ZNF638: variants seen among roughly 807,000 people sequenced by gnomAD.
The protein encoded by ZNF638 is CTCL tumor antigen se33-1.
Under a neutral mutation model 195.6 loss-of-function variants are expected in ZNF638, and 46 were observed. The ratio of observed to expected loss-of-function variants is 0.24; its 90% CI spans 0.19 to 0.30. The LOEUF (loss-of-function observed/expected upper bound fraction) is 0.30, where lower values mean the gene tolerates loss of function less well. Among genes scored for constraint, ZNF638 ranks in the 10% least tolerant of loss-of-function variants. ZNF638 has a pLI of 1.00. For missense variants in ZNF638, 2,440 were observed against 2,325.3 expected, an observed-to-expected ratio of 1.05 and a Z score of -1.01; for synonymous variants, 845 against 772.0, an observed-to-expected ratio of 1.09 and a Z score of -1.57.
chr2:71,371,064 T>TA (rs1329709032), intron 8 of ZNF638, among the ~76,000 whole-genome samples: 3 of 152,186 alleles, frequency 2.0e-5, no homozygotes, highest in African/African-American at 7.2e-5. Context: ...TGGGATTTTT[T>TA]AGATACCACA....
chr2:71,433,117 G>T, intron 26 of ZNF638, 48 bp from the exon 27 acceptor site: 1 of 1,316,028 alleles, frequency 7.6e-7, no homozygotes. Flanking sequence ...GAACACAACT[G>T]GAGATTAATT....
At chr2:71,379,295 G>T (rs2079491725) in intron 8 of ZNF638, among the ~76,000 whole-genome samples, 1 of 152,164 alleles carries the variant, frequency 6.6e-6, no homozygotes, top group African/African-American at 2.4e-5. Flanking sequence ...TGAAAATATT[G>T]AATAGAAAAT....
intron 10 of ZNF638, among the ~76,000 whole-genome samples, chr2:71,389,539 CAGA>C (rs1489119375): frequency 6.6e-6 from 1 of 152,082 alleles, no homozygotes; most frequent in Admixed American, 6.5e-5. Flanking sequence ...ACAAGCCAAC[CAGA>C]ATCAATTGGC....
chr2:71,433,350 C>A, intron 27 of ZNF638, 67 bp downstream of exon 27: 1 of 1,143,164 alleles, frequency 8.7e-7, no homozygotes, highest in Non-Finnish European at 1.3e-6. Context: ...TTATTTATCT[C>A]CCCAAACGTA....
Position 71,433,599 on chromosome 2 carries a change from ATTGTC to A in ZNF638, c.5871+318_5871+322del, listed in dbSNP as rs1466173545. ...GACATTAGCATATTAAAGTTTCTGA[ATTGTC>A]TAGCCAGAATGAATCCTGGTTAACT... On this transcript the variant is annotated intron_variant, in intron 27 of 27. Coordinates refer to ENST00000264447, the MANE Select transcript of ZNF638 (RefSeq NM_014497.5). 18 of 197,446 alleles carry A rather than the reference ATTGTC, an allele frequency of 9.1e-5. No individual in the cohort carries two copies. The Admixed American group carries it at 1.0e-3, about 11-fold the overall frequency. 12.2% of individuals were successfully genotyped at this position (197,446 alleles called of 1,614,324 possible). A position where few individuals can be genotyped will look rare whatever the true frequency, so the allele number is the denominator to read the frequency against.
intron 1 of ZNF638, among the ~76,000 whole-genome samples, chr2:71,336,611 G>A (rs865798939): frequency 9.9e-5 from 15 of 152,134 alleles, no homozygotes; most frequent in African/African-American, 3.6e-4. Flanking sequence ...TACAATTTTA[G>A]TTAATCTTCA....
intron 1 of ZNF638, among the ~76,000 whole-genome samples, chr2:71,334,152 TGTATTAG>T (rs2078622627): frequency 6.6e-6 from 1 of 152,228 alleles, no homozygotes; most frequent in Admixed American, 6.5e-5. Flanking sequence ...GTGCCTGGTA[TGTATTAG>T]ATGCTCAGAT....
Position 71,404,590 on chromosome 2 carries a change from A to G in ZNF638, c.2958+592A>G, listed in dbSNP as rs370969433. Among the ~76,000 whole-genome samples, 6 of 152,018 alleles carry G rather than the reference A, an allele frequency of 3.9e-5. No individual in the cohort carries two copies. The South Asian group carries it at 8.3e-4, about 21-fold the overall frequency. Reference sequence around the variant, plus strand: ...TAATTAGCTGGGCCTGAAGGCGCACACCCGTGGTCCCAGCTCCTCAGGATG... The same window carrying G: ...TAATTAGCTGGGCCTGAAGGCGCACGCCCGTGGTCCCAGCTCCTCAGGATG... On this transcript the variant is annotated intron_variant, in intron 17 of 27. Coordinates refer to ENST00000264447, the MANE Select transcript of ZNF638 (RefSeq NM_014497.5).
At chr2:71,381,955 G>A (rs2079541706) in intron 10 of ZNF638, among the ~76,000 whole-genome samples, 1 of 152,046 alleles carries the variant, frequency 6.6e-6, no homozygotes, top group Non-Finnish European at 1.5e-5. Flanking sequence ...AAATCCCACT[G>A]AGAAAAAACA....
chr2:71,379,313 A>G (rs1010089165), intron 8 of ZNF638, among the ~76,000 whole-genome samples: 1 of 152,130 alleles, frequency 6.6e-6, no homozygotes, highest in African/African-American at 2.4e-5. Flanking sequence ...AATTCCAGAA[A>G]TAAACAACAT....
intron 10 of ZNF638, 175 bp from the exon 11 acceptor site, chr2:71,395,966 A>G (rs1015090384): frequency 6.3e-6 from 4 of 638,102 alleles, no homozygotes; most frequent in Non-Finnish European, 1.1e-5. Context: ...GCCTTTTGAT[A>G]CATCAAGTCC....
At position 71,424,814 on chromosome 2, in the gene ZNF638, A is replaced by G. The variant is rs185412201; in HGVS notation, c.4590+99A>G. ...GCCTGCCTTAACAATGTTAGTGACTAAGAGTTTAGAGCAAGGGATAGGAAT... is the reference window on the plus strand; with the variant it reads ...GCCTGCCTTAACAATGTTAGTGACTGAGAGTTTAGAGCAAGGGATAGGAAT... On this transcript the variant is annotated intron_variant, in intron 23 of 27. Coordinates refer to ENST00000264447, the MANE Select transcript of ZNF638 (RefSeq NM_014497.5). The G allele has an allele frequency of 2.7e-5, 24 of 882,704 alleles. 1 individual carries two copies. In the Admixed American group the frequency reaches 5.0e-4, roughly 18 times the overall value. The allele number at this position is 882,704 out of a possible 1,614,324, so 54.7% of individuals were successfully genotyped here.
At chr2:71,377,672 A>T (rs897735440) in intron 8 of ZNF638, among the ~76,000 whole-genome samples, 2 of 152,164 alleles carry the variant, frequency 1.3e-5, no homozygotes, top group African/African-American at 4.8e-5. Context: ...GTGTGATCCT[A>T]CTCTTGGTGT....
chr2:71,369,934 A>T lies in ZNF638; in HGVS notation c.2194A>T (p.Ile732Phe). ...GGCAATTACTGCAATTATGAAGTAC[A>T]TTGAAACAACACCTCTTACGATAAA... ...KEAITAIMKY[I>F]ETTPLTIKGK... Residue 732 changes from isoleucine to phenylalanine, a missense_variant, in exon 8 of 28, where the codon ATT becomes TTT. Coordinates refer to ENST00000264447, the MANE Select transcript of ZNF638 (RefSeq NM_014497.5). 1 of 1,598,426 alleles carries T rather than the reference A, an allele frequency of 6.3e-7. No homozygotes were observed.
intron 21 of ZNF638, among the ~76,000 whole-genome samples, chr2:71,419,388 A>T (rs891856115): frequency 1.3e-5 from 2 of 152,208 alleles, no homozygotes; most frequent in African/African-American, 2.4e-5. Flanking sequence ...ATTTGTTTGA[A>T]ACAGCAGTTT....
intron 15 of ZNF638, among the ~76,000 whole-genome samples, chr2:71,401,610 C>T (rs2104431994): frequency 1.3e-5 from 2 of 151,834 alleles, no homozygotes; most frequent in East Asian, 3.9e-4. Flanking sequence ...TCACTTGAAC[C>T]TGGGAGACAG....
At chr2:71,364,445 A>C (rs1247390308) in intron 5 of ZNF638, among the ~76,000 whole-genome samples, 193 bp downstream of exon 5, 1 of 152,196 alleles carries the variant, frequency 6.6e-6, no homozygotes, top group African/African-American at 2.4e-5. Flanking sequence ...TGTGTCCATC[A>C]ACATCATATT....
chr2:71,332,017 G>A (rs951293386), intron 1 of ZNF638, 142 bp downstream of exon 1: 1 of 787,782 alleles, frequency 1.3e-6, no homozygotes, highest in Non-Finnish European at 1.5e-6. Context: ...GCGGGCAGAC[G>A]GCGGGGGCGG....
At chr2:71,401,032 C>T (rs1350850060) in intron 15 of ZNF638, among the ~76,000 whole-genome samples, 1 of 152,002 alleles carries the variant, frequency 6.6e-6, no homozygotes, top group African/African-American at 2.4e-5. Flanking sequence ...TTTACTGGTG[C>T]AGGTTTTTAG....
Sources: gnomAD v4.1 joint callset for allele counts (sites outside exome capture counted in the v4.1 genomes callset) on GRCh38, gnomAD v4.1.1 for gene constraint, MANE v1.5 for transcripts, NCBI Gene and HGNC (gene_info 2026-07-23, HGNC 2026-07-21) for gene names.